Variants in ANO3 observed in about 807,000 individuals in gnomAD.
ANO3 encodes anoctamin 3.
In ANO3, 99 loss-of-function variants were observed where a neutral mutation model predicts 144.8. That is an observed-to-expected ratio of 0.68 (90% CI 0.58 to 0.81). The LOEUF is 0.81. ANO3 is among the 30% of genes least tolerant of loss of function. The probability of loss-of-function intolerance (pLI) is 0.00; values close to 1 mark genes in which losing one functional copy is unlikely to be tolerated. For synonymous variants in ANO3, 414 were observed against 392.6 expected, an observed-to-expected ratio of 1.05 and a Z score of -0.64; for missense variants, 905 against 1,202.2, an observed-to-expected ratio of 0.75 and a Z score of 3.66.
intron 1 of ANO3, among the ~76,000 whole-genome samples, chr11:26,236,590 G>A (rs1034929273): frequency 5.3e-5 from 8 of 152,108 alleles, no homozygotes; most frequent in Non-Finnish European, 7.4e-5. Context: ...AGGCCAAGGT[G>A]GGCGGATCAC....
chr11:26,299,029 C>T (rs775447050), intron 1 of ANO3, among the ~76,000 whole-genome samples: 5 of 152,000 alleles, frequency 3.3e-5, no homozygotes, highest in South Asian at 2.1e-4. Flanking sequence ...TGGAGATGTA[C>T]GTTTAGGAAG....
intron 14 of ANO3, among the ~76,000 whole-genome samples, chr11:26,583,455 C>T (rs1441766734): frequency 6.6e-6 from 1 of 152,186 alleles, no homozygotes; most frequent in Non-Finnish European, 1.5e-5. Context: ...TTTGACCAAC[C>T]AGTTCCAGAT....
intron 3 of ANO3, among the ~76,000 whole-genome samples, chr11:26,460,715 G>GA (rs397687264): frequency 6.6e-6 from 1 of 151,778 alleles, no homozygotes; most frequent in African/African-American, 2.4e-5. Flanking sequence ...AAAGTAAACA[G>GA]AAAAATCTCT....
chr11:26,297,865 C>T (rs1333500021), intron 1 of ANO3, among the ~76,000 whole-genome samples: 1 of 152,134 alleles, frequency 6.6e-6, no homozygotes. Context: ...TTAAATAACT[C>T]GACTCTGGGT....
intron 1 of ANO3, among the ~76,000 whole-genome samples, chr11:26,237,405 A>C (rs1267453294): frequency 6.6e-6 from 1 of 151,950 alleles, no homozygotes; most frequent in Non-Finnish European, 1.5e-5. Flanking sequence ...ATACCATAAA[A>C]ATTTATTTAT....
chr11:26,514,179 C>T (rs1003714232), intron 5 of ANO3, among the ~76,000 whole-genome samples: 5 of 151,768 alleles, frequency 3.3e-5, no homozygotes, highest in Non-Finnish European at 7.4e-5. Flanking sequence ...CTTCAGAGTT[C>T]TTCCCAAATC....
At chr11:26,443,717 G>T in intron 2 of ANO3, 48 bp from the exon 3 acceptor site, 2 of 982,990 alleles carry the variant, frequency 2.0e-6, no homozygotes, top group Non-Finnish European at 2.9e-6. Context: ...TTTTTCTGTT[G>T]TTATGCTTTT....
At chr11:26,258,082 A>G (rs565849843) in intron 1 of ANO3, among the ~76,000 whole-genome samples, 2 of 152,264 alleles carry the variant, frequency 1.3e-5, no homozygotes, top group East Asian at 1.9e-4. Context: ...AGGACTGTTA[A>G]TAACACAATA....
At chr11:26,463,257 C>A in intron 4 of ANO3, 109 bp downstream of exon 4, 1 of 561,886 alleles carries the variant, frequency 1.8e-6, no homozygotes, top group Non-Finnish European at 3.1e-6. Context: ...AAAGAATATA[C>A]ATGTTAATAT....
At chr11:26,358,102 A>G (rs1030570208) in intron 1 of ANO3, among the ~76,000 whole-genome samples, 2 of 151,908 alleles carry the variant, frequency 1.3e-5, no homozygotes, top group Non-Finnish European at 2.9e-5. Flanking sequence ...CAATACTTCA[A>G]ATTTGTTATT....
intron 1 of ANO3, among the ~76,000 whole-genome samples, chr11:26,390,756 G>A (rs1856853973): frequency 6.6e-6 from 1 of 152,112 alleles, no homozygotes; most frequent in Admixed American, 6.6e-5. Flanking sequence ...AGTTACTGAA[G>A]TTGATGATAT....
chr11:26,226,455 C>A (rs1325368079), intron 1 of ANO3, among the ~76,000 whole-genome samples: 1 of 151,992 alleles, frequency 6.6e-6, no homozygotes, highest in African/African-American at 2.4e-5. Context: ...GAATGAAAAA[C>A]AAATGATTTT....
chr11:26,484,312 A>G lies in ANO3; in HGVS notation c.432+21164A>G, dbSNP rs983485754. On this transcript the variant is annotated intron_variant, in intron 4 of 26. Coordinates refer to ENST00000256737, the MANE Select transcript of ANO3 (RefSeq NM_031418.4). ...AGTGTTATTGCCAAGACAATGGGGA[A>G]AATGCCTATACAACCTGAAGACACT... Among the ~76,000 whole-genome samples, 4 of 152,154 alleles carry G rather than the reference A, an allele frequency of 2.6e-5. No individual in the cohort carries two copies. In the South Asian group the frequency reaches 8.3e-4, roughly 32 times the overall value.
rs529586029 is a variant in ANO3 at position 26,228,728 on chromosome 11, G to C, written c.154+39398G>C. On this transcript the variant is annotated intron_variant, in intron 1 of 27. Transcript: ENST00000672621. ...GGCCTTTATACCCATCCTTATGTTG[G>C]TAATTAGATGTGGGCCATACAGAGA... is the stretch of plus-strand genomic sequence containing the variant. Among the ~76,000 whole-genome samples, 124 of 152,248 alleles carry C rather than the reference G, an allele frequency of 8.1e-4. 1 individual carries two copies. Among genetic ancestry groups the C allele is most frequent in the Non-Finnish European group, 2.8e-4 (19 of 68,012 alleles).
At chr11:26,370,897 G>A (rs1041552314) in intron 1 of ANO3, among the ~76,000 whole-genome samples, 7 of 152,170 alleles carry the variant, frequency 4.6e-5, no homozygotes, top group East Asian at 1.9e-4. Context: ...AAGAAGCAGA[G>A]CATAAAAGTT....
chr11:26,251,666 G>A (rs925885578), intron 1 of ANO3, among the ~76,000 whole-genome samples: 1 of 152,124 alleles, frequency 6.6e-6, no homozygotes, highest in Non-Finnish European at 1.5e-5. Context: ...AAGAAAAGAG[G>A]GTTAATTGAC....
chr11:26,317,641 C>A (rs569689030), intron 1 of ANO3, among the ~76,000 whole-genome samples: 1 of 152,116 alleles, frequency 6.6e-6, no homozygotes, highest in Non-Finnish European at 1.5e-5. Flanking sequence ...GAAATAGGAA[C>A]GCTTTTACAC....
At position 26,662,628 on chromosome 11, in the gene ANO3, A is replaced by G. The variant is rs1853912990; in HGVS notation, c.*2184A>G. On this transcript the variant is annotated 3_prime_UTR_variant, in exon 27 of 27. Transcript: ENST00000256737. The stretch of plus-strand genomic sequence containing the variant: ...TTTAAAACCATATTGATCAACTAGA[A>G]AGAAAAATATGAAAAGAGAAAAATA... 6.6e-6 allele frequency: 1 copy of G among 152,112 alleles called. No individual in the cohort carries two copies. The highest frequency in any genetic ancestry group is 2.4e-5 in the African/African-American group (1 of 41,446). The allele number at this position is 152,112 out of a possible 1,614,324, so 9.4% of individuals were successfully genotyped here.
intron 24 of ANO3, among the ~76,000 whole-genome samples, chr11:26,651,650 G>A (rs1853536783): frequency 1.3e-5 from 2 of 151,608 alleles, no homozygotes; most frequent in African/African-American, 4.8e-5. Flanking sequence ...AGTAATAGAC[G>A]TTTTCTAAAT....
Sources: gnomAD v4.1 joint callset for allele counts (sites outside exome capture counted in the v4.1 genomes callset) on GRCh38, gnomAD v4.1.1 for gene constraint, MANE v1.5 for transcripts, NCBI Gene and HGNC (gene_info 2026-07-23, HGNC 2026-07-21) for gene names.